ANKRD55: variants seen among roughly 807,000 people sequenced by gnomAD.
ANKRD55 encodes the protein ankyrin repeat domain 55.
Under a neutral mutation model 60.6 loss-of-function variants are expected in ANKRD55, and 41 were observed. The observed-to-expected ratio is 0.68, with a 90% confidence interval of 0.53 to 0.88. The LOEUF (loss-of-function observed/expected upper bound fraction) is 0.88, where lower values mean the gene tolerates loss of function less well. Ranked by LOEUF, ANKRD55 falls within the 40% of genes least tolerant of loss-of-function variation. The pLI is 0.00. For synonymous variants in ANKRD55, 264 were observed against 290.3 expected (o/e 0.91, Z 0.92); for missense variants, 732 against 767.6 (o/e 0.95, Z 0.55).
chr5:56,166,389 G>T (rs1160557794), intron 5 of ANKRD55, among the ~76,000 whole-genome samples: 3 of 151,320 alleles, frequency 2.0e-5, no homozygotes, highest in Non-Finnish European at 4.4e-5. Context: ...TCCTGAATAG[G>T]TAGGACTACA....
At chr5:56,140,681 G>T (rs949453078) in intron 7 of ANKRD55, among the ~76,000 whole-genome samples, 1 of 152,124 alleles carries the variant, frequency 6.6e-6, no homozygotes, top group African/African-American at 2.4e-5. Context: ...TAAAGTATTA[G>T]CACCCATTAA....
intron 3 of ANKRD55, among the ~76,000 whole-genome samples, chr5:56,182,456 TC>T (rs1189750852): frequency 6.6e-6 from 1 of 152,234 alleles, no homozygotes. Context: ...GTCTTTTATT[TC>T]TTTGCTGAGA....
At chr5:56,204,274 T>C (rs965513115) in intron 2 of ANKRD55, among the ~76,000 whole-genome samples, 6 of 152,204 alleles carry the variant, frequency 3.9e-5, no homozygotes, top group African/African-American at 1.2e-4. Flanking sequence ...ATTTTGTAGG[T>C]TGCCTGTTCA....
At chr5:56,147,020 C>T (rs1051007663) in intron 6 of ANKRD55, among the ~76,000 whole-genome samples, 8 of 152,082 alleles carry the variant, frequency 5.3e-5, no homozygotes, top group African/African-American at 1.2e-4. Flanking sequence ...TTTAAACAAC[C>T]GCAAGAAACC....
At chr5:56,201,211 C>T (rs1239397339) in intron 2 of ANKRD55, among the ~76,000 whole-genome samples, 1 of 152,142 alleles carries the variant, frequency 6.6e-6, no homozygotes. Context: ...TTAGGGGTAC[C>T]CAGAATGACC....
In ANKRD55 at chr5:56,166,158, T is replaced by TTTCTTTCTTTCTTCCTTCCTTCC. The variant is rs1554040812; in HGVS notation, c.422+4535_422+4536insGGAAGGAAGGAAGAAAGAAAGAA. Among the ~76,000 whole-genome samples, 162 of 72,446 alleles carry TTTCTTTCTTTCTTCCTTCCTTCC rather than the reference T, an allele frequency of 2.2e-3. 5 individuals are homozygous for TTTCTTTCTTTCTTCCTTCCTTCC. The highest frequency in any genetic ancestry group is 0.011 in the Middle Eastern group (2 of 174). 47.5% of individuals were successfully genotyped at this position (72,446 alleles called of 152,430 possible). A position where few individuals can be genotyped will look rare whatever the true frequency, so the allele number is the denominator to read the frequency against. ...TCTTTCTTTCTTTCTTTCTTTCTTCTTTCCTTCCTTCCTTCCTTCCTTCCT... is the reference window on the plus strand; with the variant it reads ...TCTTTCTTTCTTTCTTTCTTTCTTCTTTCTTTCTTTCTTCCTTCCTTCCTTCCTTCCTTCCTTCCTTCCTTCCT... On this transcript the variant is annotated intron_variant, in intron 5 of 11. Coordinates refer to ENST00000341048, the MANE Select transcript of ANKRD55 (RefSeq NM_024669.3).
chr5:56,101,721 TAGG>T (rs1280026117), intron 11 of ANKRD55, among the ~76,000 whole-genome samples: 1 of 152,078 alleles, frequency 6.6e-6, no homozygotes, highest in East Asian at 1.9e-4. Context: ...TATTTTATAT[TAGG>T]AGAATTTTTT....
chr5:56,181,183 G>C (rs1392585231), intron 3 of ANKRD55, among the ~76,000 whole-genome samples: 1 of 152,156 alleles, frequency 6.6e-6, no homozygotes, highest in Non-Finnish European at 1.5e-5. Flanking sequence ...GGTAAAAAAT[G>C]AAAGATGTAT....
At chr5:56,216,125 AG>A (rs1234071994) in intron 2 of ANKRD55, among the ~76,000 whole-genome samples, 17 of 152,114 alleles carry the variant, frequency 1.1e-4, no homozygotes, top group African/African-American at 3.1e-4. Context: ...AATAAGTATA[AG>A]GAAATAGATG....
chr5:56,220,140 A>G (rs1759924110), intron 2 of ANKRD55, among the ~76,000 whole-genome samples: 1 of 152,236 alleles, frequency 6.6e-6, no homozygotes, highest in Non-Finnish European at 1.5e-5. Context: ...TTCTCTCCGG[A>G]TACCACTCAA....
chr5:56,107,481 A>G (rs1756518560), intron 10 of ANKRD55, among the ~76,000 whole-genome samples: 1 of 152,180 alleles, frequency 6.6e-6, no homozygotes, highest in African/African-American at 2.4e-5. Context: ...TGGGTGGCAC[A>G]TGTGTCAGAA....
chr5:56,143,457 G>A (rs938148645), intron 7 of ANKRD55, among the ~76,000 whole-genome samples: 3 of 152,154 alleles, frequency 2.0e-5, no homozygotes, highest in African/African-American at 7.2e-5. Context: ...GAAGCAAGAA[G>A]AGAGTCAGAG....
intron 10 of ANKRD55, among the ~76,000 whole-genome samples, chr5:56,104,681 A>G (rs1580932763): frequency 6.6e-6 from 1 of 152,228 alleles, no homozygotes; most frequent in East Asian, 1.9e-4. Context: ...AATGATAATA[A>G]CAATAATAAA....
chr5:56,111,727 T>C lies in ANKRD55; in HGVS notation c.1021A>G (p.Arg341Gly). Reference protein sequence around the residue: ...SQSSRPQKKERRFNVLNQIFC... With the variant: ...SQSSRPQKKEGRFNVLNQIFC... ...ATTTGGTTGAGCACGTTGAACCGTC[T>C]CTCCTTCTTCTGGGGCCGACTGCTC... Residue 341 changes from arginine to glycine, a missense_variant, in exon 10 of 12, where the codon AGA becomes GGA. Physicochemically the swap from Arg to Gly is moderately radical, Grantham distance 125. Coordinates refer to ENST00000341048, the MANE Select transcript of ANKRD55 (RefSeq NM_024669.3). The C allele has an allele frequency of 1.1e-5, 16 of 1,516,340 alleles. No homozygotes were observed. The highest frequency in any genetic ancestry group is 1.4e-5 in the Non-Finnish European group (16 of 1,136,914). 93.9% of individuals were successfully genotyped at this position (1,516,340 alleles called of 1,614,324 possible). A position where few individuals can be genotyped will look rare whatever the true frequency, so the allele number is the denominator to read the frequency against.
At chr5:56,136,966 C>G (rs1326067518) in intron 7 of ANKRD55, 11 of 553,802 alleles carry the variant, frequency 2.0e-5, no homozygotes, top group Non-Finnish European at 3.7e-5. Flanking sequence ...GTGGCCTCAG[C>G]TAATCTGTGA....
rs1369701633 is a variant in ANKRD55, at chr5:56,127,032, C to G, written c.687G>C (p.Glu229Asp). The stretch of plus-strand genomic sequence containing the variant: ...CGATATGTACACATGTCTTCCCACT[C>G]TCATCATCATAGTTGATTATGGACG... ...QGPSIINYDD[E>D]SGKTCVHIAA... The change falls in exon 8 of 12, where the codon GAG (glutamate) becomes GAC (aspartate). Residue 229 changes from glutamate to aspartate, a missense_variant. Physicochemically the swap from Glu to Asp is conservative, Grantham distance 45 (BLOSUM62 2). Around this residue, in one of 3 missense-constraint regions of ANKRD55, gnomAD observed 597 missense variants for 607.5 expected, o/e 0.98. Coordinates refer to ENST00000341048, the MANE Select transcript of ANKRD55 (RefSeq NM_024669.3). 6.2e-7 allele frequency: 1 copy of G among 1,614,030 alleles called. No homozygotes were observed. The highest frequency in any genetic ancestry group is 8.5e-7 in the Non-Finnish European group (1 of 1,179,984).
chr5:56,197,063 T>C (rs1453772762), intron 2 of ANKRD55, among the ~76,000 whole-genome samples: 7 of 152,222 alleles, frequency 4.6e-5, no homozygotes, highest in Non-Finnish European at 2.9e-5. Context: ...AATACCTACA[T>C]GATTTTGGTG....
intron 2 of ANKRD55, among the ~76,000 whole-genome samples, chr5:56,212,623 A>G (rs536445191): frequency 6.6e-6 from 1 of 152,350 alleles, no homozygotes; most frequent in South Asian, 2.1e-4. Flanking sequence ...AGTAGGTAGT[A>G]TTTAACCCCT....
At chr5:56,156,461 G>A (rs531098512) in intron 6 of ANKRD55, among the ~76,000 whole-genome samples, 1 of 152,342 alleles carries the variant, frequency 6.6e-6, no homozygotes, top group Admixed American at 6.5e-5. Context: ...GCCTCCTGGG[G>A]TGGAGAAAAA....
Sources: allele counts gnomAD v4.1 joint callset (sites outside exome capture counted in the v4.1 genomes callset), GRCh38; gene constraint gnomAD v4.1.1; regional missense constraint gnomAD v4.1.1; transcripts MANE v1.5; gene names NCBI Gene and HGNC (gene_info 2026-07-23, HGNC 2026-07-21).